CDYL: variants seen among roughly 807,000 people sequenced by gnomAD.
The protein encoded by CDYL is chromodomain Y-like protein.
CDYL carries 8 observed loss-of-function variants against 47.3 expected under a neutral mutation model. The ratio of observed to expected loss-of-function variants is 0.17; its 90% CI spans 0.10 to 0.31. The LOEUF (loss-of-function observed/expected upper bound fraction) is 0.31, where lower values mean the gene tolerates loss of function less well. Among genes scored for constraint, CDYL ranks in the 10% least tolerant of loss-of-function variants. The pLI is 1.00. For synonymous variants in CDYL, 266 were observed against 265.0 expected, an observed-to-expected ratio of 1.00 and a Z score of -0.04; for missense variants, 471 against 701.4, an observed-to-expected ratio of 0.67 and a Z score of 3.71.
intron 1 of CDYL, among the ~76,000 whole-genome samples, chr6:4,820,611 T>C (rs754663997): frequency 6.6e-6 from 1 of 152,194 alleles, no homozygotes; most frequent in Non-Finnish European, 1.5e-5. Flanking sequence ...GTGGATGTTA[T>C]GTTCTCCCCC....
intron 2 of CDYL, chr6:4,734,616 C>A: frequency 8.9e-7 from 1 of 1,125,822 alleles, no homozygotes; most frequent in Non-Finnish European, 1.2e-6. Flanking sequence ...AAAGGAGAGA[C>A]CAGTTTCTAT....
At chr6:4,936,845 C>CT (rs1477541939) in intron 3 of CDYL, among the ~76,000 whole-genome samples, 1 of 151,788 alleles carries the variant, frequency 6.6e-6, no homozygotes, top group African/African-American at 2.4e-5. Flanking sequence ...TTTGCCTTAT[C>CT]TAAGAGCCGC....
chr6:4,830,074 A>G (rs1268069254), intron 1 of CDYL, among the ~76,000 whole-genome samples: 1 of 151,904 alleles, frequency 6.6e-6, no homozygotes. Context: ...AGAGCTTCCT[A>G]CTCTACCAAG....
At chr6:4,938,539 A>G (rs1427635314) in intron 4 of CDYL, among the ~76,000 whole-genome samples, 1 of 152,232 alleles carries the variant, frequency 6.6e-6, no homozygotes, top group African/African-American at 2.4e-5. Context: ...GGTTAAATCA[A>G]GCTAATTAGC....
chr6:4,872,510 A>G (rs1761505357), intron 1 of CDYL, among the ~76,000 whole-genome samples: 1 of 152,022 alleles, frequency 6.6e-6, no homozygotes, highest in Non-Finnish European at 1.5e-5. Context: ...CCTCCCAAGT[A>G]GCTGGGACTA....
At chr6:4,717,813 T>C (rs755469721) in intron 2 of CDYL, among the ~76,000 whole-genome samples, 4 of 151,310 alleles carry the variant, frequency 2.6e-5, no homozygotes, top group Non-Finnish European at 5.9e-5. Context: ...TTTTTTACAT[T>C]GTCTTCACAG....
chr6:4,772,568 C>G (rs1331965240), upstream of CDYL, among the ~76,000 whole-genome samples: 1 of 152,140 alleles, frequency 6.6e-6, no homozygotes, highest in Non-Finnish European at 1.5e-5. Context: ...TCTTTTGGGT[C>G]TCAGGTTTAA....
intron 2 of CDYL, among the ~76,000 whole-genome samples, chr6:4,718,196 A>G (rs1757305634): frequency 6.6e-6 from 1 of 152,154 alleles, no homozygotes; most frequent in Non-Finnish European, 1.5e-5. Flanking sequence ...GTATTATGCC[A>G]TAGACCAGGA....
At chr6:4,886,003 A>G (rs1205052930) in intron 1 of CDYL, among the ~76,000 whole-genome samples, 2 of 152,166 alleles carry the variant, frequency 1.3e-5, no homozygotes, top group Non-Finnish European at 2.9e-5. Flanking sequence ...AAATGGCATC[A>G]TGTATGTGAC....
At chr6:4,873,877 ACCT>A (rs1223828959) in intron 1 of CDYL, among the ~76,000 whole-genome samples, 7 of 152,072 alleles carry the variant, frequency 4.6e-5, no homozygotes, top group African/African-American at 7.3e-5. Flanking sequence ...TGCAGATTTC[ACCT>A]CCTGCCACTG....
chr6:4,852,429 C>T (rs964458941), intron 1 of CDYL, among the ~76,000 whole-genome samples: 24 of 118,322 alleles, frequency 2.0e-4, no homozygotes, highest in African/African-American at 2.5e-4. Context: ...TCCTTCCTTC[C>T]TCCTTCCTTC....
upstream of CDYL, among the ~76,000 whole-genome samples, chr6:4,775,764 CGGTGGGGCGGGCATGG>C (rs1372486145): frequency 2.0e-5 from 3 of 148,606 alleles, no homozygotes; most frequent in African/African-American, 4.9e-5. The surrounding 1 kb of genome is among the most constrained non-coding windows in gnomAD (Gnocchi z 7.0). Context: ...TGGCGGCGGC[CGGTGGGGCGGGCATGG>C]GGTGGGGTGG....
At chr6:4,943,097 G>A (rs1019133928) in intron 4 of CDYL, among the ~76,000 whole-genome samples, 5 of 152,120 alleles carry the variant, frequency 3.3e-5, no homozygotes, top group Non-Finnish European at 5.9e-5. Flanking sequence ...ATCCACCACC[G>A]TACACTTAAC....
At chr6:4,936,013 T>C (rs1302898252) in intron 3 of CDYL, among the ~76,000 whole-genome samples, 1 of 152,116 alleles carries the variant, frequency 6.6e-6, no homozygotes, top group Admixed American at 6.5e-5. Flanking sequence ...TTCTCCCGGG[T>C]GTGGGTCCAC....
At chr6:4,834,329 A>C (rs1475983981) in intron 1 of CDYL, among the ~76,000 whole-genome samples, 3 of 149,016 alleles carry the variant, frequency 2.0e-5, no homozygotes, top group East Asian at 4.0e-4. Flanking sequence ...TCCTTCACTT[A>C]TGAAGCTTAG....
chr6:4,768,228 C>T (rs1034832073), intron 3 of CDYL, among the ~76,000 whole-genome samples: 4 of 152,216 alleles, frequency 2.6e-5, no homozygotes, highest in African/African-American at 9.7e-5. Context: ...TCAGGGACAA[C>T]CTAATCACAA....
At chr6:4,843,468 T>C (rs1229361133) in intron 1 of CDYL, among the ~76,000 whole-genome samples, 1 of 151,190 alleles carries the variant, frequency 6.6e-6, no homozygotes, top group African/African-American at 2.4e-5. Context: ...ATTCTTAGGA[T>C]TGGCCATTTA....
In CDYL at chr6:4,725,062, C is replaced by T. The variant is rs140000717; in HGVS notation, c.103+9181C>T. 3.1e-3 allele frequency among the ~76,000 whole-genome samples: 466 copies of T among 152,282 alleles called. 3 individuals carry two copies. The highest frequency in any genetic ancestry group is 4.9e-3 in the Non-Finnish European group (333 of 68,008). ...CTGAGCTGGACACAAAAGTTCTCCA[C>T]ATCCCCGCTAGATTAGCTAGACACA... is the stretch of plus-strand genomic sequence containing the variant. On this transcript the variant is annotated intron_variant, in intron 2 of 8. Coordinates refer to the CDYL transcript ENST00000328908.
intron 1 of CDYL, among the ~76,000 whole-genome samples, chr6:4,787,991 C>T (rs1042519678): frequency 2.1e-4 from 32 of 151,504 alleles, no homozygotes; most frequent in Non-Finnish European, 3.1e-4. Flanking sequence ...AGGCTGGTCT[C>T]GAACTCCTGA....
Sources: allele counts gnomAD v4.1 joint callset (sites outside exome capture counted in the v4.1 genomes callset), GRCh38; gene constraint gnomAD v4.1.1; non-coding constraint Gnocchi (gnomAD v3.1); transcripts MANE v1.5; gene names NCBI Gene and HGNC (gene_info 2026-07-23, HGNC 2026-07-21).